WIZ: variants seen among roughly 807,000 people sequenced by gnomAD.
The protein encoded by WIZ is WIZ zinc finger.
Under a neutral mutation model 140.2 loss-of-function variants are expected in WIZ, and 25 were observed. That is an observed-to-expected ratio of 0.18 (90% CI 0.13 to 0.25). WIZ has a LOEUF of 0.25. Among genes scored for constraint, WIZ ranks in the 10% least tolerant of loss-of-function variants. The probability of loss-of-function intolerance (pLI) is 1.00; values close to 1 mark genes in which losing one functional copy is unlikely to be tolerated. For synonymous variants in WIZ, 1,125 were observed against 1,154.3 expected (o/e 0.97, Z 0.51); for missense variants, 2,231 against 2,632.6 (o/e 0.85, Z 3.34).
chr19:15,432,537 GGGTGGGGGC>G, intron 5 of WIZ: 2 of 736,722 alleles, frequency 2.7e-6, no homozygotes, highest in Non-Finnish European at 3.3e-6. Flanking sequence ...GCGGCGGCGG[GGGTGGGGGC>G]GGCGGCGGCG....
chr19:15,425,608 G>T lies in WIZ; in HGVS notation c.4527C>A (p.Ile1509=). 1 of 1,613,442 alleles carries T rather than the reference G, an allele frequency of 6.2e-7. No individual in the cohort carries two copies. The highest frequency in any genetic ancestry group is 8.5e-7 in the Non-Finnish European group (1 of 1,179,838). The change falls in exon 10 of 13, where the codon ATC becomes ATA. Residue 1509 remains isoleucine, a synonymous_variant. Coordinates refer to ENST00000673675, the MANE Select transcript of WIZ (RefSeq NM_001371589.1). ...NGSPIDTLRE[I]LKKKSKPCLI... is the part of the protein sequence containing the mutation. Reference sequence around the variant, plus strand: ...GGCACGGCTTGGACTTCTTCTTGAGGATCTCTCGCAGTGTGTCGATGGGCG... The same window carrying T: ...GGCACGGCTTGGACTTCTTCTTGAGTATCTCTCGCAGTGTGTCGATGGGCG...
At position 15,424,276 on chromosome 19, in the gene WIZ, G is replaced by C; in HGVS notation, c.5417C>G (p.Pro1806Arg). 2 of 1,590,628 alleles carry C rather than the reference G, an allele frequency of 1.3e-6. No homozygotes were observed. The highest frequency in any genetic ancestry group is 1.7e-6 in the Non-Finnish European group (2 of 1,171,906). ...GGAGGGGACTGGCCGGACTCGGGGT[G>C]GGGGTTGCCGCACCTCCTCCAGCTT... ...QQKLEEVRQPPPRVRPVPSLV... is the reference protein window; with the variant it reads ...QQKLEEVRQPRPRVRPVPSLV... Residue 1806 changes from proline (P) to arginine (R), a missense_variant, in exon 12 of 13, where the codon CCA (proline) becomes CGA (arginine). Pro to Arg is a moderately radical substitution (Grantham distance 103). Transcript: ENST00000673675. The surrounding 1 kb of genome is among the most constrained non-coding windows in gnomAD (Gnocchi z 9.7).
chr19:15,424,806 G>C lies in WIZ; in HGVS notation c.5121C>G (p.Ala1707=), dbSNP rs755242577. ...GCTTGTCACTGTCACGGCCATGGCC[G>C]GCACTGCGGAACTTCTTGGTGAAGG... The part of the protein sequence containing the change: ...GRPFTKKFRS[A]GHGRDSDKRP... The change falls in exon 11 of 13, where the codon GCC becomes GCG. Residue 1707 remains alanine, a synonymous_variant. Transcript: ENST00000673675. This position sits in a 1 kb window ranked among gnomAD's most constrained non-coding sequence, Gnocchi z 9.7. 15 of 1,605,682 alleles carry C rather than the reference G, an allele frequency of 9.3e-6. No individual in the cohort carries two copies. The highest frequency in any genetic ancestry group is 1.2e-5 in the Non-Finnish European group (14 of 1,177,306).
intron 9 of WIZ, among the ~76,000 whole-genome samples, chr19:15,426,279 G>A (rs1159425629): frequency 5.9e-5 from 9 of 152,104 alleles, no homozygotes; most frequent in South Asian, 4.1e-4. Flanking sequence ...TGAGCGCTAA[G>A]GCACAAGCCT....
intron 1 of WIZ, among the ~76,000 whole-genome samples, chr19:15,449,195 C>A (rs1198011324): frequency 6.6e-6 from 1 of 152,140 alleles, no homozygotes; most frequent in South Asian, 2.1e-4. Flanking sequence ...AAGTGAAGGG[C>A]AGGAATGAGG....
At chr19:15,431,289 C>T (rs1449534067) in intron 5 of WIZ, 107 bp from the exon 6 acceptor site, 9 of 1,328,448 alleles carry the variant, frequency 6.8e-6, no homozygotes, top group Non-Finnish European at 9.0e-6. Context: ...TCTCACTCTG[C>T]GAAGCGACTC....
intron 3 of WIZ, among the ~76,000 whole-genome samples, chr19:15,441,502 T>C (rs1969744288): frequency 6.6e-6 from 1 of 152,234 alleles, no homozygotes; most frequent in Non-Finnish European, 1.5e-5. Context: ...AACCTTTCAA[T>C]GACCCCGCAG....
chr19:15,439,734 G>C lies in WIZ; in HGVS notation c.1260C>G (p.Ala420=). 6.8e-7 allele frequency: 1 copy of C among 1,474,784 alleles called. No homozygotes were observed. Among genetic ancestry groups the C allele is most frequent in the Non-Finnish European group, 8.9e-7 (1 of 1,118,024 alleles). 91.4% of individuals were successfully genotyped at this position (1,474,784 alleles called of 1,614,324 possible). ...CTGGGGGCTCACGCATGTGCAGCTT[G>C]GCATGCTGCACATAGGCCCTGGATG... The part of the protein sequence containing the change: ...TNSSRAYVQH[A]KLHMREPPGQ... Residue 420 remains alanine, a synonymous_variant, in exon 4 of 13, where the codon GCC becomes GCG. Transcript: ENST00000673675. This position sits in a 1 kb window ranked among gnomAD's most constrained non-coding sequence, Gnocchi z 7.0.
In WIZ at chr19:15,428,532, G is replaced by C. The variant is rs1318818898; in HGVS notation, c.3416-24C>G. 3.3e-6 allele frequency: 5 copies of C among 1,535,238 alleles called. No individual in the cohort carries two copies. The highest frequency in any genetic ancestry group is 2.4e-5 in the East Asian group (1 of 40,872). On this transcript the variant is annotated intron_variant, in intron 7 of 12. Transcript: ENST00000673675. This position sits in a 1 kb window ranked among gnomAD's most constrained non-coding sequence, Gnocchi z 6.4. ...AGCTGCGGAGACAAAACACAGGGGG[G>C]GTTCACGGCCGCCACCTTGGCCGGC...
At position 15,429,860 on chromosome 19, in the gene WIZ, G is replaced by A. The variant is rs972692853; in HGVS notation, c.3141C>T (p.Val1047=). ...AKKSSSLKEV[V]AGAPRPGLLS... ...GCAAGCCGGGCCGGGGGGCCCCGGC[G>A]ACCACCTCCTTCAGTGAGCTGGACT... is the stretch of plus-strand genomic sequence containing the variant. The change falls in exon 7 of 13, where the codon GTC becomes GTT. Residue 1047 remains valine (V), a synonymous_variant. Coordinates refer to ENST00000673675, the MANE Select transcript of WIZ (RefSeq NM_001371589.1). 7 of 1,530,480 alleles carry A rather than the reference G, an allele frequency of 4.6e-6. No homozygotes were observed. Among genetic ancestry groups the A allele is most frequent in the Admixed American group, 4.0e-5 (2 of 50,552 alleles). The allele number at this position is 1,530,480 out of a possible 1,614,324, so 94.8% of individuals were successfully genotyped here.
chr19:15,447,585 C>T (rs1033674016), intron 2 of WIZ, among the ~76,000 whole-genome samples: 3 of 152,318 alleles, frequency 2.0e-5, no homozygotes, highest in Middle Eastern at 3.4e-3. Flanking sequence ...ATGAATAACA[C>T]GTCTGGAGGT....
chr19:15,448,485 A>G (rs1374001386), intron 1 of WIZ, 118 bp from the exon 2 acceptor site: 1 of 732,228 alleles, frequency 1.4e-6, no homozygotes, highest in East Asian at 2.7e-5. Flanking sequence ...TTTACCTCCC[A>G]GCCCAGGGGA....
At chr19:15,444,688 A>G (rs1969856551) in intron 2 of WIZ, among the ~76,000 whole-genome samples, 1 of 152,220 alleles carries the variant, frequency 6.6e-6, no homozygotes, top group Non-Finnish European at 1.5e-5. Context: ...GAGTTGGGAA[A>G]GAAAGGCCTG....
intron 5 of WIZ, among the ~76,000 whole-genome samples, chr19:15,435,509 G>A (rs559354430): frequency 6.6e-6 from 1 of 152,286 alleles, no homozygotes; most frequent in South Asian, 2.1e-4. Flanking sequence ...TAGCATATCA[G>A]GTCTGCCGGA....
In WIZ at chr19:15,428,813, G is replaced by A. The variant is rs769207739; in HGVS notation, c.3416-305C>T. On this transcript the variant is annotated intron_variant, in intron 7 of 12. Transcript: ENST00000673675. The surrounding 1 kb of genome is among the most constrained non-coding windows in gnomAD (Gnocchi z 6.4). ...CCTGCTATGGGAGCTATTTGGGGGC[G>A]ATGGTGGCTGCTGGGCTCACGCAGC... Among the ~76,000 whole-genome samples, 3 of 152,170 alleles carry A rather than the reference G, an allele frequency of 2.0e-5. No homozygotes were observed. The highest frequency in any genetic ancestry group is 1.9e-4 in the East Asian group (1 of 5,190).
Position 15,422,853 on chromosome 19 carries a change from G to C in WIZ, c.*223C>G. The C allele has an allele frequency of 1.6e-6, 1 of 626,360 alleles. No homozygotes were observed. The highest frequency in any genetic ancestry group is 2.7e-6 in the Non-Finnish European group (1 of 371,968). The allele number at this position is 626,360 out of a possible 1,614,324, so 38.8% of individuals were successfully genotyped here. A position where few individuals can be genotyped will look rare whatever the true frequency, so the allele number is the denominator to read the frequency against. On this transcript the variant is annotated 3_prime_UTR_variant, in exon 13 of 13. Transcript: ENST00000673675. ...CTGCTGGACCAGGTGGGCATGGGCT[G>C]AAGGAAGACACCCTGTGGCCCCAGA... is the stretch of plus-strand genomic sequence containing the variant.
intron 2 of WIZ, among the ~76,000 whole-genome samples, chr19:15,445,173 G>T (rs1969874293): frequency 6.6e-6 from 1 of 152,238 alleles, no homozygotes; most frequent in African/African-American, 2.4e-5. Flanking sequence ...TGCCATCTGG[G>T]TTCCCCGAGA....
chr19:15,425,087 CAGATGGCCCTGCCCAGGCCAGGTGCCA>C (rs1568287550), intron 10 of WIZ, 55 bp from the exon 11 acceptor site: 2 of 1,508,790 alleles, frequency 1.3e-6, no homozygotes, highest in African/African-American at 2.8e-5. Context: ...CAGGTGCACC[CAGATGGCCCTGCCCAGGCCAGGTGCCA>C]ATCCCGCCTC....
chr19:15,424,785 G>A lies in WIZ; in HGVS notation c.5142C>T (p.Asp1714=). The change falls in exon 11 of 13, where the codon GAC becomes GAT. Residue 1714 remains aspartate, a synonymous_variant. Coordinates refer to ENST00000673675, the MANE Select transcript of WIZ (RefSeq NM_001371589.1). The surrounding 1 kb of genome is among the most constrained non-coding windows in gnomAD (Gnocchi z 9.7). The part of the protein sequence containing the change: ...FRSAGHGRDS[D]KRPSLGLAPG... Reference sequence around the variant, plus strand: ...GTGCCAGCCCCAGGGACGGCCGCTTGTCACTGTCACGGCCATGGCCGGCAC... The same window carrying A: ...GTGCCAGCCCCAGGGACGGCCGCTTATCACTGTCACGGCCATGGCCGGCAC... 6.3e-7 allele frequency: 1 copy of A among 1,596,184 alleles called. No individual in the cohort carries two copies. The highest frequency in any genetic ancestry group is 1.3e-5 in the African/African-American group (1 of 74,730).
Sources: gnomAD v4.1 joint callset for allele counts (sites outside exome capture counted in the v4.1 genomes callset) on GRCh38, gnomAD v4.1.1 for gene constraint, Gnocchi (gnomAD v3.1) non-coding constraint, MANE v1.5 for transcripts, NCBI Gene and HGNC (gene_info 2026-07-23, HGNC 2026-07-21) for gene names.